KLHL42: variants seen among roughly 807,000 people sequenced by gnomAD.
The protein encoded by KLHL42 is kelch-like protein 42.
KLHL42 carries 27 observed loss-of-function variants against 32.7 expected under a neutral mutation model. That is an observed-to-expected ratio of 0.83 (90% CI 0.61 to 1.14). The LOEUF (loss-of-function observed/expected upper bound fraction) is 1.14, where lower values mean the gene tolerates loss of function less well. Among genes scored for constraint, KLHL42 ranks in the 50% most tolerant of loss-of-function variants. The pLI, the probability that KLHL42 is intolerant of heterozygous loss-of-function variation, is 0.00. For synonymous variants in KLHL42, 267 were observed against 248.2 expected (o/e 1.08, Z -0.71); for missense variants, 491 against 560.8 (o/e 0.88, Z 1.26).
In KLHL42 at chr12:27,785,251, G is replaced by A. The variant is rs1591814143; in HGVS notation, c.872+4049G>A. Among the ~76,000 whole-genome samples the A allele has an allele frequency of 2.0e-5, 3 of 152,274 alleles. No individual in the cohort carries two copies. In the South Asian group the frequency reaches 6.2e-4, roughly 32 times the overall value. On this transcript the variant is annotated intron_variant, in intron 1 of 2. Transcript: ENST00000381271. Reference sequence around the variant, plus strand: ...GTCTTGCTTTGTCACCCAGGCTGGAGTACAGTGGTGTGATCATAACTTACT... The same window carrying A: ...GTCTTGCTTTGTCACCCAGGCTGGAATACAGTGGTGTGATCATAACTTACT...
chr12:27,802,877 A>T lies in KLHL42; in HGVS notation c.*4711A>T, dbSNP rs1485546041. On this transcript the variant is annotated 3_prime_UTR_variant, in exon 3 of 3. Transcript: ENST00000381271. ...TGATATGACTGATACTTTCTTTGTTAAAAGGTTGTATTAAGTCTTCAATTT... is the reference window on the plus strand; with the variant it reads ...TGATATGACTGATACTTTCTTTGTTTAAAGGTTGTATTAAGTCTTCAATTT... 6.6e-6 allele frequency: 1 copy of T among 152,360 alleles called. No individual in the cohort carries two copies. Among genetic ancestry groups the T allele is most frequent in the Non-Finnish European group, 1.5e-5 (1 of 68,042 alleles). 9.4% of individuals were successfully genotyped at this position (152,360 alleles called of 1,614,324 possible). A position where few individuals can be genotyped will look rare whatever the true frequency, so the allele number is the denominator to read the frequency against.
chr12:27,785,534 C>G (rs2062168401), intron 1 of KLHL42, among the ~76,000 whole-genome samples: 1 of 152,096 alleles, frequency 6.6e-6, no homozygotes, highest in Non-Finnish European at 1.5e-5. Flanking sequence ...ATTATTGATG[C>G]TGTATTGGAA....
At chr12:27,783,862 G>T (rs2062159553) in intron 1 of KLHL42, among the ~76,000 whole-genome samples, 1 of 152,048 alleles carries the variant, frequency 6.6e-6, no homozygotes, top group Non-Finnish European at 1.5e-5. Flanking sequence ...GGGATTACAG[G>T]CGTGAGCCAC....
intron 1 of KLHL42, among the ~76,000 whole-genome samples, chr12:27,790,427 A>G (rs1441652675): frequency 1.3e-5 from 2 of 152,192 alleles, no homozygotes; most frequent in Non-Finnish European, 2.9e-5. Flanking sequence ...TTTCTGTTGC[A>G]TCATGCTGCT....
At chr12:27,793,689 C>G (rs1252574862) in intron 2 of KLHL42, among the ~76,000 whole-genome samples, 4 of 152,214 alleles carry the variant, frequency 2.6e-5, no homozygotes, top group Non-Finnish European at 4.4e-5. Context: ...CCAAGGAAAT[C>G]TATTTCTGCA....
chr12:27,789,776 C>T (rs1326739278), intron 1 of KLHL42, among the ~76,000 whole-genome samples: 1 of 152,144 alleles, frequency 6.6e-6, no homozygotes, highest in Non-Finnish European at 1.5e-5. Context: ...AGGGACCCCC[C>T]AGTACCTGCC....
rs777998184 is a variant in KLHL42, at chr12:27,797,723, A to G, written c.1075A>G (p.Met359Val). 1 of 694,486 alleles carries G rather than the reference A, an allele frequency of 1.4e-6. No homozygotes were observed. The highest frequency in any genetic ancestry group is 1.8e-5 in the African/African-American group (1 of 56,612). The allele number at this position is 694,486 out of a possible 1,614,324, so 43.0% of individuals were successfully genotyped here. A position where few individuals can be genotyped will look rare whatever the true frequency, so the allele number is the denominator to read the frequency against. Reference sequence around the variant, plus strand: ...GTCTTTCTTTCTTTCAGACCGGAACATGAACATTTTGCAGTACTGCCCCTC... The same window carrying G: ...GTCTTTCTTTCTTTCAGACCGGAACGTGAACATTTTGCAGTACTGCCCCTC... ...IGGYTTRDRN[M>V]NILQYCPSSD... Residue 359 changes from methionine to valine, a missense_variant, in exon 3 of 3, where the codon ATG (methionine) becomes GTG (valine). Physicochemically the swap from Met to Val is conservative, Grantham distance 21. This residue lies in a region of KLHL42 where 152 missense variants were observed against 125.9 expected (regional missense o/e 1.21). Coordinates refer to ENST00000381271, the MANE Select transcript of KLHL42 (RefSeq NM_020782.2).
intron 1 of KLHL42, among the ~76,000 whole-genome samples, chr12:27,785,435 C>T (rs2062167947): frequency 6.6e-6 from 1 of 152,118 alleles, no homozygotes; most frequent in African/African-American, 2.4e-5. Context: ...TCTTGAACTC[C>T]TGGCCTCAGG....
chr12:27,792,384 C>T (rs926680195), intron 2 of KLHL42, among the ~76,000 whole-genome samples: 11 of 152,178 alleles, frequency 7.2e-5, no homozygotes, highest in African/African-American at 2.4e-4. Flanking sequence ...TTTGTGAGCA[C>T]ACACACATCA....
At chr12:27,784,298 TA>T (rs1462648287) in intron 1 of KLHL42, among the ~76,000 whole-genome samples, 2 of 138,136 alleles carry the variant, frequency 1.4e-5, no homozygotes, top group African/African-American at 5.7e-5. Flanking sequence ...CACGCCTGGC[TA>T]ATTTTTTTTT....
chr12:27,801,556 G>A lies in KLHL42; in HGVS notation c.*3390G>A, dbSNP rs1011920501. 17 of 152,168 alleles carry A rather than the reference G, an allele frequency of 1.1e-4. No homozygotes were observed. In the East Asian group the frequency reaches 3.3e-3, roughly 29 times the overall value. The allele number at this position is 152,168 out of a possible 1,614,324, so 9.4% of individuals were successfully genotyped here. A position where few individuals can be genotyped will look rare whatever the true frequency, so the allele number is the denominator to read the frequency against. ...GTAGGTGTTGGATGCCTTTTTCCTA[G>A]ACCAGGAATGGGGAATATATAACAC... On this transcript the variant is annotated 3_prime_UTR_variant, in exon 3 of 3. Transcript: ENST00000381271.
chr12:27,793,215 T>A (rs1211359177), intron 2 of KLHL42, among the ~76,000 whole-genome samples: 1 of 151,710 alleles, frequency 6.6e-6, no homozygotes. Flanking sequence ...AGGACAGGCC[T>A]GGGCAACATA....
rs143064304 is a variant in KLHL42 at position 27,800,026 on chromosome 12, C to A, written c.*1860C>A. 5.7e-4 allele frequency: 521 copies of A among 909,170 alleles called. 2 individuals carry two copies. In the African/African-American group the frequency reaches 8.2e-3, roughly 14 times the overall value. The allele number at this position is 909,170 out of a possible 1,614,324, so 56.3% of individuals were successfully genotyped here. ...TTGAATTTCCAGTGACCTGTAATTT[C>A]ATTACATATATTTTAAAATCTATTT... On this transcript the variant is annotated 3_prime_UTR_variant, in exon 3 of 3. Coordinates refer to ENST00000381271, the MANE Select transcript of KLHL42 (RefSeq NM_020782.2).
Position 27,798,148 on chromosome 12 carries a change from C to A in KLHL42, c.1500C>A (p.Pro500=), listed in dbSNP as rs1467655296. The A allele has an allele frequency of 1.3e-6, 1 of 778,430 alleles. No individual in the cohort carries two copies. Among genetic ancestry groups the A allele is most frequent in the African/African-American group, 1.7e-5 (1 of 58,914 alleles). 48.2% of individuals were successfully genotyped at this position (778,430 alleles called of 1,614,324 possible). A position where few individuals can be genotyped will look rare whatever the true frequency, so the allele number is the denominator to read the frequency against. ...HNLLVSSLYL[P]NKAET is the part of the protein sequence containing the mutation. Reference sequence around the variant, plus strand: ...TGCTGGTTTCTTCTCTTTATCTGCCCAATAAAGCAGAAACATGACTGAATT... The same window carrying A: ...TGCTGGTTTCTTCTCTTTATCTGCCAAATAAAGCAGAAACATGACTGAATT... Residue 500 remains proline, a synonymous_variant, in exon 3 of 3, where the codon CCC becomes CCA. Coordinates refer to ENST00000381271, the MANE Select transcript of KLHL42 (RefSeq NM_020782.2).
chr12:27,783,776 G>A (rs2062159081), intron 1 of KLHL42, among the ~76,000 whole-genome samples: 1 of 151,974 alleles, frequency 6.6e-6, no homozygotes, highest in South Asian at 2.1e-4. Context: ...AGTAGAGACG[G>A]GGTTTCACTG....
chr12:27,786,719 GTTTTTTTTTT>G (rs11341444), intron 1 of KLHL42, among the ~76,000 whole-genome samples: 1 of 101,144 alleles, frequency 9.9e-6, no homozygotes, highest in Admixed American at 1.2e-4. Context: ...GATTGAAAGA[GTTTTTTTTTT>G]TTTTTTTTTT....
intron 1 of KLHL42, chr12:27,787,897 TC>T: frequency 6.6e-6 from 1 of 152,302 alleles, no homozygotes; most frequent in Non-Finnish European, 1.5e-5. Context: ...CTATTCACAC[TC>T]CCCCCCAACT....
At position 27,798,239 on chromosome 12, in the gene KLHL42, G is replaced by A; in HGVS notation, c.*73G>A. 1.4e-6 allele frequency: 1 copy of A among 699,524 alleles called. No homozygotes were observed. The highest frequency in any genetic ancestry group is 1.7e-5 in the South Asian group (1 of 60,284). 43.3% of individuals were successfully genotyped at this position (699,524 alleles called of 1,614,324 possible). ...AAATGTGGTGTCCCATTCCAAGGGAGACCAATTCCTAAAGGGTAAAGAAGG... is the reference window on the plus strand; with the variant it reads ...AAATGTGGTGTCCCATTCCAAGGGAAACCAATTCCTAAAGGGTAAAGAAGG... On this transcript the variant is annotated 3_prime_UTR_variant, in exon 3 of 3. Coordinates refer to ENST00000381271, the MANE Select transcript of KLHL42 (RefSeq NM_020782.2).
At chr12:27,785,229 T>C (rs1464554108) in intron 1 of KLHL42, among the ~76,000 whole-genome samples, 1 of 152,142 alleles carries the variant, frequency 6.6e-6, no homozygotes, top group Non-Finnish European at 1.5e-5. Context: ...AAATGGGGTC[T>C]TGCTTTGTCA....
Sources: allele counts gnomAD v4.1 joint callset (sites outside exome capture counted in the v4.1 genomes callset), GRCh38; gene constraint gnomAD v4.1.1; regional missense constraint gnomAD v4.1.1; transcripts MANE v1.5; gene names NCBI Gene and HGNC (gene_info 2026-07-23, HGNC 2026-07-21).